Variants in SEMA3D observed in about 807,000 individuals in gnomAD.
SEMA3D encodes the protein semaphorin-3D.
Under a neutral mutation model 100.1 loss-of-function variants are expected in SEMA3D, and 84 were observed. That is an observed-to-expected ratio of 0.84 (90% CI 0.70 to 1.01). The LOEUF is 1.01. Ranked by LOEUF, SEMA3D falls within the 50% of genes least tolerant of loss-of-function variation. The probability of loss-of-function intolerance (pLI) is 0.00; values close to 1 mark genes in which losing one functional copy is unlikely to be tolerated. For synonymous variants in SEMA3D, 312 were observed against 320.7 expected (o/e 0.97, Z 0.29); for missense variants, 875 against 934.1 (o/e 0.94, Z 0.82).
chr7:85,139,217 T>C (rs1315677636), intron 2 of SEMA3D, among the ~76,000 whole-genome samples: 1 of 151,956 alleles, frequency 6.6e-6, no homozygotes, highest in Non-Finnish European at 1.5e-5. Flanking sequence ...GAGAAATATG[T>C]AAGACTCTGG....
At position 84,996,661 on chromosome 7, in the gene SEMA3D, T is replaced by C. The variant is rs1789509593; in HGVS notation, c.*2779A>G. ...GCGGGATTCTATTTAGCAGCATAAATTGCTGAAATGAAATTCAGAAAAGAA... is the reference window on the plus strand; with the variant it reads ...GCGGGATTCTATTTAGCAGCATAAACTGCTGAAATGAAATTCAGAAAAGAA... On this transcript the variant is annotated 3_prime_UTR_variant, in exon 19 of 19. Coordinates refer to ENST00000284136, the MANE Select transcript of SEMA3D (RefSeq NM_001384900.1). 1.3e-5 allele frequency: 2 copies of C among 152,316 alleles called. No homozygotes were observed. Among genetic ancestry groups the C allele is most frequent in the African/African-American group, 4.8e-5 (2 of 41,426 alleles). 9.4% of individuals were successfully genotyped at this position (152,316 alleles called of 1,614,324 possible). A position where few individuals can be genotyped will look rare whatever the true frequency, so the allele number is the denominator to read the frequency against.
At chr7:85,126,022 A>C (rs10486849) in intron 2 of SEMA3D, among the ~76,000 whole-genome samples, 1 of 152,038 alleles carries the variant, frequency 6.6e-6, no homozygotes, top group Non-Finnish European at 1.5e-5. Context: ...ATGTGGAGCC[A>C]ATAGGGAGTT....
intron 1 of SEMA3D, among the ~76,000 whole-genome samples, chr7:85,182,422 G>A (rs1791433935): frequency 6.6e-6 from 1 of 152,026 alleles, no homozygotes; most frequent in Non-Finnish European, 1.5e-5. Context: ...AAAGATTCAA[G>A]ATCACTATTA....
chr7:85,073,200 A>G (rs536715128), intron 5 of SEMA3D, 119 bp from the exon 6 acceptor site: 2 of 903,806 alleles, frequency 2.2e-6, no homozygotes, highest in East Asian at 2.5e-5. Flanking sequence ...AAATGAAAAA[A>G]GATTTATGAG....
the SEMA3D span, among the ~76,000 whole-genome samples, chr7:85,234,793 C>T: frequency 3.1e-3 from 476 of 152,264 alleles, 1 homozygote; most frequent in African/African-American, 0.011. Flanking sequence ...GTATTATTCA[C>T]TTTAATTATT....
the SEMA3D span, among the ~76,000 whole-genome samples, chr7:85,207,227 C>T: frequency 1.1e-4 from 16 of 151,932 alleles, no homozygotes; most frequent in African/African-American, 2.2e-4. Context: ...AGAAAGATAT[C>T]GGGGTGTTTT....
At chr7:85,204,886 C>T in the SEMA3D span, among the ~76,000 whole-genome samples, 4 of 152,026 alleles carry the variant, frequency 2.6e-5, no homozygotes, top group Non-Finnish European at 4.4e-5. Flanking sequence ...TTGAAATAAA[C>T]TCAGATATAT....
chr7:85,082,545 C>G (rs532448748), intron 4 of SEMA3D, among the ~76,000 whole-genome samples: 1 of 152,018 alleles, frequency 6.6e-6, no homozygotes, highest in East Asian at 1.9e-4. Flanking sequence ...CAGGAGTTCC[C>G]GATAGACTTT....
At chr7:85,141,795 G>A in intron 2 of SEMA3D, 3 of 761,016 alleles carry the variant, frequency 3.9e-6, no homozygotes, top group Non-Finnish European at 4.8e-6. Context: ...CTGGGAAAAG[G>A]CGGTCAGTGT....
rs185054127 is a variant in SEMA3D at position 85,009,178 on chromosome 7, T to C, written c.1769-2237A>G. Among the ~76,000 whole-genome samples the C allele has an allele frequency of 2.4e-3, 368 of 151,776 alleles. 1 individual carries two copies. The highest frequency in any genetic ancestry group is 3.8e-3 in the Non-Finnish European group (258 of 67,760). On this transcript the variant is annotated intron_variant, in intron 17 of 18. Coordinates refer to ENST00000284136, the MANE Select transcript of SEMA3D (RefSeq NM_001384900.1). ...GTAAGATAATTGTGGAGTTTTTTTTTCCTCTAGATTGCAGTCAAAAAAATT... is the reference window on the plus strand; with the variant it reads ...GTAAGATAATTGTGGAGTTTTTTTTCCCTCTAGATTGCAGTCAAAAAAATT...
intron 3 of SEMA3D, among the ~76,000 whole-genome samples, chr7:85,113,634 G>A (rs1263795125): frequency 6.7e-6 from 1 of 150,174 alleles, no homozygotes. Flanking sequence ...AGCTGGGCTT[G>A]GTGGCACGCG....
chr7:85,035,517 T>C (rs1262899030), intron 12 of SEMA3D, among the ~76,000 whole-genome samples: 1 of 151,980 alleles, frequency 6.6e-6, no homozygotes, highest in Non-Finnish European at 1.5e-5. Context: ...TCCACTTATA[T>C]AAGGTATCTA....
chr7:85,129,091 G>C (rs1370560370), intron 2 of SEMA3D, among the ~76,000 whole-genome samples: 1 of 151,394 alleles, frequency 6.6e-6, no homozygotes, highest in African/African-American at 2.4e-5. Context: ...TCACTATTTT[G>C]ACCAGGCTGG....
chr7:85,055,313 T>G lies in SEMA3D; in HGVS notation c.861+404A>C, dbSNP rs374034657. On this transcript the variant is annotated intron_variant, in intron 9 of 18. Transcript: ENST00000284136. ...TTATTTAACATTATATAAAAACATT[T>G]TAAGCTCCAGGGATCAGGACAATGC... Among the ~76,000 whole-genome samples, 43 of 152,072 alleles carry G rather than the reference T, an allele frequency of 2.8e-4. 2 individuals carry two copies. The highest frequency in any genetic ancestry group is 2.3e-3 in the East Asian group (12 of 5,160).
intron 1 of SEMA3D, chr7:85,181,716 G>A: frequency 1.1e-6 from 1 of 883,916 alleles, no homozygotes; most frequent in Non-Finnish European, 1.4e-6. Context: ...GAAAAAGAAG[G>A]TAATCTTTGT....
intron 7 of SEMA3D, among the ~76,000 whole-genome samples, chr7:85,067,660 A>G (rs964366362): frequency 3.3e-5 from 5 of 152,200 alleles, no homozygotes; most frequent in Admixed American, 2.0e-4. Context: ...TAGTTGTCTC[A>G]TAAGAGAATT....
intron 4 of SEMA3D, among the ~76,000 whole-genome samples, chr7:85,096,832 A>G (rs1014304908): frequency 6.6e-6 from 1 of 151,888 alleles, no homozygotes; most frequent in Non-Finnish European, 1.5e-5. Flanking sequence ...GTCATTGTAG[A>G]TTAATACTGT....
At chr7:85,172,868 A>G (rs1263160678) in intron 1 of SEMA3D, among the ~76,000 whole-genome samples, 1 of 152,118 alleles carries the variant, frequency 6.6e-6, no homozygotes, top group African/African-American at 2.4e-5. Flanking sequence ...TGGATGGTGA[A>G]TTAGGTCATT....
chr7:85,093,640 T>C (rs1788466135), intron 4 of SEMA3D, among the ~76,000 whole-genome samples: 1 of 152,062 alleles, frequency 6.6e-6, no homozygotes, highest in Non-Finnish European at 1.5e-5. Context: ...AGCTATCTAT[T>C]CCACGCTAAT....
Sources: allele counts gnomAD v4.1 joint callset (sites outside exome capture counted in the v4.1 genomes callset), GRCh38; gene constraint gnomAD v4.1.1; transcripts MANE v1.5; gene names NCBI Gene and HGNC (gene_info 2026-07-23, HGNC 2026-07-21).